The following TCF4 variants were observed in gnomAD, a reference collection of about 807,000 sequenced individuals.
TCF4 encodes transcription factor 4.
A neutral mutation model predicts 82.1 loss-of-function variants in TCF4; 3 were observed. That is an observed-to-expected ratio of 0.04 (90% CI 0.02 to 0.09). The LOEUF is 0.09. Ranked by LOEUF, TCF4 falls within the 10% of genes least tolerant of loss-of-function variation. The probability of loss-of-function intolerance (pLI) is 1.00; values close to 1 mark genes in which losing one functional copy is unlikely to be tolerated. For missense variants in TCF4, 518 were observed against 852.7 expected (o/e 0.61, Z 4.89); for synonymous variants, 276 against 309.6 (o/e 0.89, Z 1.14).
At chr18:55,485,690 A>G (rs1330563384) in intron 3 of TCF4, among the ~76,000 whole-genome samples, 1 of 152,248 alleles carries the variant, frequency 6.6e-6, no homozygotes, top group Non-Finnish European at 1.5e-5. Flanking sequence ...GGATTTACCA[A>G]TATCATACCT....
At chr18:55,447,573 T>G (rs1250890136) in intron 5 of TCF4, among the ~76,000 whole-genome samples, 2 of 152,192 alleles carry the variant, frequency 1.3e-5, no homozygotes, top group Admixed American at 6.5e-5. Context: ...AAGACTCATT[T>G]GAGTATTGAA....
intron 8 of TCF4, among the ~76,000 whole-genome samples, chr18:55,301,815 G>T (rs903812110): frequency 1.7e-4 from 21 of 120,140 alleles, no homozygotes; most frequent in East Asian, 6.6e-4. Context: ...AAAAAAAAGT[G>T]GGGGGGGATT....
At chr18:55,322,249 C>T (rs2075759299) in intron 8 of TCF4, 1 of 1,058,054 alleles carries the variant, frequency 9.5e-7, no homozygotes, top group East Asian at 5.1e-5. Flanking sequence ...CCCTCTCTCT[C>T]TCTCCCTCTC....
intron 16 of TCF4, among the ~76,000 whole-genome samples, chr18:55,234,199 AT>A: frequency 1.3e-5 from 2 of 152,216 alleles, no homozygotes; most frequent in South Asian, 4.2e-4. Context: ...CTTCCTTCCT[AT>A]TCATTTGGAA....
chr18:55,328,986 G>C (rs1294527057), intron 8 of TCF4, among the ~76,000 whole-genome samples: 1 of 152,120 alleles, frequency 6.6e-6, no homozygotes, highest in Non-Finnish European at 1.5e-5. Context: ...TGGAGCAATA[G>C]GACAACTTGC....
intron 3 of TCF4, among the ~76,000 whole-genome samples, chr18:55,532,854 G>C (rs1305330693): frequency 6.6e-6 from 1 of 151,978 alleles, no homozygotes; most frequent in Non-Finnish European, 1.5e-5. Context: ...CACACTAACC[G>C]GCAAGCATGT....
chr18:55,231,657 G>A (rs1235129753), intron 17 of TCF4: 1 of 152,208 alleles, frequency 6.6e-6, no homozygotes, highest in Admixed American at 6.5e-5. Flanking sequence ...AACAAGGAAG[G>A]AAAGGGGTTA....
intron 6 of TCF4, among the ~76,000 whole-genome samples, chr18:55,376,018 C>CTT (rs772990901): frequency 8.7e-4 from 107 of 122,708 alleles, no homozygotes; most frequent in African/African-American, 1.3e-3. Flanking sequence ...TTTTCTTCTC[C>CTT]TTTTTTTTTT....
At chr18:55,275,288 A>AAC (rs1215210848) in intron 10 of TCF4, among the ~76,000 whole-genome samples, 1 of 150,806 alleles carries the variant, frequency 6.6e-6, no homozygotes, top group Non-Finnish European at 1.5e-5. Context: ...AAAAAAAAAA[A>AAC]AAAAAAAAAA....
chr18:55,454,305 G>T lies in TCF4; in HGVS notation c.304+6714C>A, dbSNP rs558592872. Among the ~76,000 whole-genome samples the T allele has an allele frequency of 2.0e-5, 3 of 152,218 alleles. No individual in the cohort carries two copies. In the East Asian group the frequency reaches 5.8e-4, roughly 29 times the overall value. On this transcript the variant is annotated intron_variant, in intron 5 of 19. Transcript: ENST00000354452. ...GCCCAGTCAAGGATATAGTCCTATA[G>T]AACAAAATGTGAATTTCTATATGAC...
At chr18:55,501,821 A>G (rs2096705495) in intron 3 of TCF4, among the ~76,000 whole-genome samples, 3 of 152,074 alleles carry the variant, frequency 2.0e-5, no homozygotes, top group Admixed American at 2.0e-4. Flanking sequence ...AAAGAGACTG[A>G]TTTCAGCTGT....
intron 15 of TCF4, among the ~76,000 whole-genome samples, chr18:55,235,089 C>A (rs1002073646): frequency 6.6e-6 from 1 of 152,084 alleles, no homozygotes; most frequent in Non-Finnish European, 1.5e-5. Flanking sequence ...ACAGGAATTT[C>A]AATTTGGCAT....
chr18:55,532,405 ACCAATCTCTT>A (rs1192165184), intron 3 of TCF4, among the ~76,000 whole-genome samples: 1 of 152,132 alleles, frequency 6.6e-6, no homozygotes, highest in Non-Finnish European at 1.5e-5. Context: ...GCTCTTCCAA[ACCAATCTCTT>A]CCAAATTAAA....
chr18:55,523,248 A>C (rs771252365), intron 3 of TCF4, among the ~76,000 whole-genome samples: 8 of 152,048 alleles, frequency 5.3e-5, no homozygotes, highest in Non-Finnish European at 8.8e-5. Flanking sequence ...ATAAGAGTGA[A>C]ATAATTTAAC....
intron 1 of TCF4, among the ~76,000 whole-genome samples, chr18:55,631,960 C>T (rs1218436529): frequency 1.3e-5 from 2 of 152,170 alleles, no homozygotes; most frequent in Admixed American, 1.3e-4. Flanking sequence ...AGTGGGGTAG[C>T]ATCCTTCTGC....
chr18:55,268,068 C>T (rs117164383), intron 11 of TCF4: 1 of 152,094 alleles, frequency 6.6e-6, no homozygotes, highest in Admixed American at 6.6e-5. Flanking sequence ...AGATAACCAC[C>T]CTATTTCCTG....
At chr18:55,260,250 C>G (rs1164743584) in intron 12 of TCF4, among the ~76,000 whole-genome samples, 1 of 152,122 alleles carries the variant, frequency 6.6e-6, no homozygotes, top group Non-Finnish European at 1.5e-5. Context: ...GGGAAAAGAG[C>G]CAGGCTGGGG....
At position 55,225,977 on chromosome 18, in the gene TCF4, T is replaced by C. The variant is rs2046538816; in HGVS notation, c.*2058A>G. The stretch of plus-strand genomic sequence containing the variant: ...AGAAATGAACATAAAATTCTGATTC[T>C]TGTAGCTATTTCATTTAAATGAGAC... On this transcript the variant is annotated 3_prime_UTR_variant, in exon 20 of 20. Coordinates refer to ENST00000354452, the MANE Select transcript of TCF4 (RefSeq NM_001083962.2). 6.6e-6 allele frequency: 1 copy of C among 152,584 alleles called. No individual in the cohort carries two copies. Among genetic ancestry groups the C allele is most frequent in the African/African-American group, 2.4e-5 (1 of 41,456 alleles). The allele number at this position is 152,584 out of a possible 1,614,324, so 9.5% of individuals were successfully genotyped here.
chr18:55,617,811 C>CTGTGTGTGTGTGTGTGTGTG (rs74182107), intron 2 of TCF4, among the ~76,000 whole-genome samples: 1 of 140,610 alleles, frequency 7.1e-6, no homozygotes, highest in Admixed American at 7.2e-5. Context: ...TTAATTCTAA[C>CTGTGTGTGTGTGTGTGTGTG]TGTGTGTGTG....
Sources: allele counts gnomAD v4.1 joint callset (sites outside exome capture counted in the v4.1 genomes callset), GRCh38; gene constraint gnomAD v4.1.1; transcripts MANE v1.5; gene names NCBI Gene and HGNC (gene_info 2026-07-23, HGNC 2026-07-21).